DPP10: variants seen among roughly 807,000 people sequenced by gnomAD.
DPP10 encodes the protein inactive dipeptidyl peptidase 10.
A neutral mutation model predicts 120.9 loss-of-function variants in DPP10; 33 were observed. That is an observed-to-expected ratio of 0.27 (90% CI 0.21 to 0.37). The LOEUF (loss-of-function observed/expected upper bound fraction) is 0.37, where lower values mean the gene tolerates loss of function less well. Ranked by LOEUF, DPP10 falls within the 10% of genes least tolerant of loss-of-function variation. The pLI is 1.00. For synonymous variants in DPP10, 337 were observed against 326.1 expected, an observed-to-expected ratio of 1.03 and a Z score of -0.36; for missense variants, 816 against 942.8, an observed-to-expected ratio of 0.87 and a Z score of 1.76.
At chr2:115,001,928 A>C (rs938662707) in intron 1 of DPP10, among the ~76,000 whole-genome samples, 18 of 152,226 alleles carry the variant, frequency 1.2e-4, no homozygotes, top group African/African-American at 3.9e-4. Context: ...GATAAGAAAA[A>C]ATCAATGTAA....
At chr2:115,489,803 C>A (rs960419328) in intron 3 of DPP10, among the ~76,000 whole-genome samples, 1 of 151,966 alleles carries the variant, frequency 6.6e-6, no homozygotes, top group Non-Finnish European at 1.5e-5. Context: ...TTAATGTAAC[C>A]AGACCTTCCC....
intron 5 of DPP10, among the ~76,000 whole-genome samples, chr2:115,616,631 A>C (rs1406797681): frequency 6.6e-6 from 1 of 152,098 alleles, no homozygotes; most frequent in Non-Finnish European, 1.5e-5. Flanking sequence ...GTAGCTTTTG[A>C]CAAAGTTGGC....
chr2:115,814,584 G>A (rs773763164), intron 19 of DPP10: 7 of 373,172 alleles, frequency 1.9e-5, no homozygotes, highest in Non-Finnish European at 3.3e-5. Context: ...TTTCATTCAG[G>A]GAACTTTTCA....
At chr2:115,237,009 A>G (rs958297797) in intron 1 of DPP10, among the ~76,000 whole-genome samples, 1 of 152,216 alleles carries the variant, frequency 6.6e-6, no homozygotes, top group African/African-American at 2.4e-5. Context: ...TCCTTAATGT[A>G]TAGCAGCAGC....
At chr2:115,229,318 T>C (rs7579845) in intron 1 of DPP10, among the ~76,000 whole-genome samples, 63,239 of 152,066 alleles carry the variant, frequency 0.42, 14,423 homozygotes, top group Non-Finnish European at 0.52. Context: ...TCCCCCATTC[T>C]GTAGGTTGTC....
intron 5 of DPP10, among the ~76,000 whole-genome samples, chr2:115,595,722 C>A (rs2082946869): frequency 6.6e-6 from 1 of 151,956 alleles, no homozygotes; most frequent in Admixed American, 6.6e-5. Context: ...ACAAATATTT[C>A]CTTTCCTCCC....
intron 1 of DPP10, among the ~76,000 whole-genome samples, chr2:114,471,531 G>A (rs1184243694): frequency 1.3e-5 from 2 of 152,022 alleles, no homozygotes; most frequent in African/African-American, 4.8e-5. Flanking sequence ...AAATAAACAG[G>A]AATGCTAAAA....
chr2:114,946,087 A>C (rs943817235), intron 1 of DPP10, among the ~76,000 whole-genome samples: 1 of 152,222 alleles, frequency 6.6e-6, no homozygotes, highest in African/African-American at 2.4e-5. Flanking sequence ...CTGAAAAGAC[A>C]TGTCAACTAA....
In DPP10 at chr2:115,079,065, A is replaced by C. The variant is rs139430349; in HGVS notation, c.61-230174A>C. On this transcript the variant is annotated intron_variant, in intron 1 of 25. Coordinates refer to ENST00000410059, the MANE Select transcript of DPP10 (RefSeq NM_020868.6). ...GAGTCCACGCTTGAGTGCCCACTCT[A>C]CACCGTGCTGGGACTCAGAAATAAG... 3.5e-3 allele frequency among the ~76,000 whole-genome samples: 537 copies of C among 152,296 alleles called. 7 individuals carry two copies. Among genetic ancestry groups the C allele is most frequent in the African/African-American group, 0.012 (512 of 41,576 alleles).
chr2:115,621,666 A>C (rs770675023), intron 5 of DPP10, among the ~76,000 whole-genome samples: 1 of 152,048 alleles, frequency 6.6e-6, no homozygotes, highest in African/African-American at 2.4e-5. Context: ...AAAAAATTCT[A>C]TGTATTTTTG....
intron 3 of DPP10, among the ~76,000 whole-genome samples, chr2:115,462,800 G>A (rs1366824111): frequency 6.6e-6 from 1 of 152,126 alleles, no homozygotes; most frequent in Non-Finnish European, 1.5e-5. Context: ...CACGATCTCA[G>A]CTCACTGCAA....
chr2:115,627,356 TA>T (rs1258851699), intron 5 of DPP10, among the ~76,000 whole-genome samples: 5 of 152,082 alleles, frequency 3.3e-5, no homozygotes, highest in South Asian at 4.2e-4. Flanking sequence ...TACTCTCAGC[TA>T]GGGGAGGAGA....
intron 5 of DPP10, among the ~76,000 whole-genome samples, chr2:115,636,380 A>G (rs948502139): frequency 4.6e-5 from 7 of 152,180 alleles, no homozygotes; most frequent in African/African-American, 7.2e-5. Flanking sequence ...TTACGTGACT[A>G]TTGATGAAAT....
At chr2:114,893,054 A>G (rs1169391016) in intron 1 of DPP10, among the ~76,000 whole-genome samples, 1 of 152,228 alleles carries the variant, frequency 6.6e-6, no homozygotes, top group Non-Finnish European at 1.5e-5. Context: ...TTAAAAATTC[A>G]TAATTCCATA....
chr2:115,768,185 C>A, intron 12 of DPP10, 112 bp from the exon 13 acceptor site: 1 of 866,900 alleles, frequency 1.2e-6, no homozygotes, highest in Non-Finnish European at 1.7e-6. Flanking sequence ...GCCCATTTTC[C>A]TAACTAATTA....
intron 5 of DPP10, among the ~76,000 whole-genome samples, chr2:115,540,793 A>G (rs1038763098): frequency 1.3e-5 from 2 of 151,886 alleles, no homozygotes; most frequent in South Asian, 4.1e-4. Flanking sequence ...CTTTGTTATT[A>G]TTACTTTTCT....
In DPP10 at chr2:115,435,507, G is replaced by A. The variant is rs149653505; in HGVS notation, c.272-64003G>A. 1.3e-4 allele frequency among the ~76,000 whole-genome samples: 19 copies of A among 151,828 alleles called. 1 individual carries two copies. Among genetic ancestry groups the A allele is most frequent in the African/African-American group, 3.9e-4 (16 of 41,476 alleles). On this transcript the variant is annotated intron_variant, in intron 3 of 25. Transcript: ENST00000410059. ...ATCTTTATGTCTTCTTTTGAGAAAT[G>A]TCTGTTCGGGTCCTTTGCCAATTTT...
intron 1 of DPP10, among the ~76,000 whole-genome samples, chr2:114,922,996 T>C (rs921571515): frequency 7.2e-5 from 11 of 152,144 alleles, no homozygotes; most frequent in Non-Finnish European, 1.3e-4. Context: ...CATTCATGAG[T>C]ATATTTTTAT....
At chr2:115,308,362 G>A (rs1275423713) in intron 1 of DPP10, among the ~76,000 whole-genome samples, 4 of 144,576 alleles carry the variant, frequency 2.8e-5, no homozygotes, top group African/African-American at 1.0e-4. Flanking sequence ...TATTGAGAAA[G>A]GATGAAAAGC....
Sources: gnomAD v4.1 joint callset for allele counts (sites outside exome capture counted in the v4.1 genomes callset) on GRCh38, gnomAD v4.1.1 for gene constraint, MANE v1.5 for transcripts, NCBI Gene and HGNC (gene_info 2026-07-23, HGNC 2026-07-21) for gene names.